Variants in EIPR1 observed in about 807,000 individuals in gnomAD.
EIPR1 encodes EARP and GARP complex-interacting protein 1.
In EIPR1, 25 loss-of-function variants were observed where a neutral mutation model predicts 48.1. The observed-to-expected ratio is 0.52, with a 90% CI of 0.38 to 0.73. EIPR1 has a LOEUF of 0.73. Among genes scored for constraint, EIPR1 ranks in the 30% least tolerant of loss-of-function variants. The pLI, the probability that EIPR1 is intolerant of heterozygous loss-of-function variation, is 0.00. For missense variants in EIPR1, 415 were observed against 506.2 expected, an observed-to-expected ratio of 0.82 and a Z score of 1.73; for synonymous variants, 204 against 201.9, an observed-to-expected ratio of 1.01 and a Z score of -0.09.
At chr2:3,351,201 A>T (rs1332279943) in intron 2 of EIPR1, among the ~76,000 whole-genome samples, 1 of 152,174 alleles carries the variant, frequency 6.6e-6, no homozygotes. Context: ...GGGTTTCACC[A>T]TGTTGGCCAG....
At chr2:3,341,394 GGGTGTGGGCATGTGTGCATGCA>G (rs1173209910) in intron 2 of EIPR1, among the ~76,000 whole-genome samples, 3 of 152,134 alleles carry the variant, frequency 2.0e-5, no homozygotes, top group African/African-American at 7.2e-5. Context: ...GGGTGCACGT[GGGTGTGGGCATGTGTGCATGCA>G]GGTGTGCACC....
At chr2:3,280,111 G>A (rs1667970789) in intron 3 of EIPR1, among the ~76,000 whole-genome samples, 1 of 152,210 alleles carries the variant, frequency 6.6e-6, no homozygotes, top group African/African-American at 2.4e-5. Context: ...GATGTGTTGT[G>A]GTTTATGCCT....
chr2:3,371,999 A>G (rs913345329), intron 1 of EIPR1, among the ~76,000 whole-genome samples: 5 of 152,142 alleles, frequency 3.3e-5, no homozygotes, highest in Admixed American at 3.3e-4. Context: ...TCTCCTCAGC[A>G]AATGTAAAAG....
rs1219576853 is a variant in EIPR1, at chr2:3,312,159, G to GC, written c.259+25857dup. On this transcript the variant is annotated intron_variant, in intron 3 of 8. Coordinates refer to ENST00000382125, the MANE Select transcript of EIPR1 (RefSeq NM_003310.5). The surrounding 1 kb of genome is among the most constrained non-coding windows in gnomAD (Gnocchi z 5.5). The stretch of plus-strand genomic sequence containing the variant: ...GGACGCTCCCAAATTTCCTCAAGTT[G>GC]CCCCCCGAATCTGTCCATCACTCTG... Among the ~76,000 whole-genome samples the GC allele has an allele frequency of 2.0e-5, 3 of 152,074 alleles. No individual in the cohort carries two copies. The highest frequency in any genetic ancestry group is 6.5e-5 in the Admixed American group (1 of 15,272).
intron 6 of EIPR1, chr2:3,194,523 G>A (rs1253893885): frequency 5.5e-6 from 1 of 182,720 alleles, no homozygotes; most frequent in African/African-American, 2.3e-5. Context: ...CAGACATTTG[G>A]ACAGGATGCC....
intron 4 of EIPR1, among the ~76,000 whole-genome samples, chr2:3,248,102 T>C (rs1254735608): frequency 6.6e-6 from 1 of 152,040 alleles, no homozygotes; most frequent in African/African-American, 2.4e-5. Context: ...AGCATCCTCT[T>C]GGTGGTGAGT....
chr2:3,204,346 G>GA (rs1665149607), intron 5 of EIPR1, among the ~76,000 whole-genome samples: 1 of 152,216 alleles, frequency 6.6e-6, no homozygotes, highest in African/African-American at 2.4e-5. Flanking sequence ...GAGAAGCCTG[G>GA]AAGGTAAATT....
At chr2:3,268,959 C>T (rs1353917075) in intron 3 of EIPR1, among the ~76,000 whole-genome samples, 1 of 152,218 alleles carries the variant, frequency 6.6e-6, no homozygotes, top group Non-Finnish European at 1.5e-5. Flanking sequence ...CAGGGGTGAA[C>T]AAGCAGGCTG....
At chr2:3,208,308 A>G in intron 5 of EIPR1, 1 of 616,384 alleles carries the variant, frequency 1.6e-6, no homozygotes, top group Non-Finnish European at 2.7e-6. Context: ...GAAGGAGGAC[A>G]GGAGAGGTCT....
chr2:3,225,228 G>A (rs893247139), intron 4 of EIPR1, among the ~76,000 whole-genome samples: 2 of 142,966 alleles, frequency 1.4e-5, no homozygotes, highest in African/African-American at 2.7e-5. Flanking sequence ...TGATATGTGT[G>A]TGTGTGTGTG....
intron 3 of EIPR1, among the ~76,000 whole-genome samples, chr2:3,296,073 GCACA>G (rs1385795901): frequency 4.2e-5 from 2 of 47,470 alleles, no homozygotes; most frequent in East Asian, 6.6e-4. Flanking sequence ...TCCTCTCTCT[GCACA>G]CACACCCTCC....
At chr2:3,319,215 C>G in intron 3 of EIPR1, 1 of 332,496 alleles carries the variant, frequency 3.0e-6, no homozygotes, top group Non-Finnish European at 6.0e-6. Flanking sequence ...TTTACAAAAT[C>G]TGTGCCTCAG....
intron 3 of EIPR1, among the ~76,000 whole-genome samples, chr2:3,259,201 T>A (rs945880413): frequency 6.6e-6 from 1 of 152,112 alleles, no homozygotes; most frequent in African/African-American, 2.4e-5. Context: ...TGGCTGCACT[T>A]CAAAATGAAT....
intron 1 of EIPR1, chr2:3,377,248 T>A (rs979216883): frequency 2.6e-5 from 5 of 190,782 alleles, no homozygotes; most frequent in Non-Finnish European, 5.3e-5. Context: ...TTCTATGTAT[T>A]TTTACAACTC....
In EIPR1 at chr2:3,256,953, C is replaced by T. The variant is rs572908463; in HGVS notation, c.416+346G>A. The stretch of plus-strand genomic sequence containing the variant: ...TCAACCTGAAGTGGTAAATAATTGC[C>T]ATGTGAGTGTGAATAAGTGCATGCT... On this transcript the variant is annotated intron_variant, in intron 4 of 8. Transcript: ENST00000382125. 2.2e-3 allele frequency among the ~76,000 whole-genome samples: 342 copies of T among 152,300 alleles called. 1 individual carries two copies. The highest frequency in any genetic ancestry group is 4.1e-3 in the Non-Finnish European group (277 of 68,012).
chr2:3,319,755 C>T (rs1337609364), intron 3 of EIPR1: 9 of 146,364 alleles, frequency 6.1e-5, no homozygotes, highest in South Asian at 1.4e-4. Context: ...CGGGCAACAC[C>T]GCACCTGCAG....
At chr2:3,193,199 C>T (rs187449433) in intron 7 of EIPR1, among the ~76,000 whole-genome samples, 1 of 152,364 alleles carries the variant, frequency 6.6e-6, no homozygotes, top group Admixed American at 6.5e-5. Context: ...GGCCCAGCCA[C>T]TCAGACCACA....
chr2:3,368,797 T>C (rs1174874314), intron 1 of EIPR1, among the ~76,000 whole-genome samples: 1 of 152,198 alleles, frequency 6.6e-6, no homozygotes. Context: ...ATTTCAAATA[T>C]CATTTGAAAT....
chr2:3,201,084 G>A (rs7578008), intron 5 of EIPR1, among the ~76,000 whole-genome samples: 139,809 of 152,292 alleles, frequency 0.92, 64,258 homozygotes, highest in East Asian at 0.98. Flanking sequence ...TGGGGCTGCC[G>A]AGCCCCAGGC....
Sources: allele counts gnomAD v4.1 joint callset (sites outside exome capture counted in the v4.1 genomes callset), GRCh38; gene constraint gnomAD v4.1.1; non-coding constraint Gnocchi (gnomAD v3.1); transcripts MANE v1.5; gene names NCBI Gene and HGNC (gene_info 2026-07-23, HGNC 2026-07-21).